Variants in VCL observed in about 807,000 individuals in gnomAD.
The protein encoded by VCL is vinculin.
Under a neutral mutation model 125.7 loss-of-function variants are expected in VCL, and 47 were observed. The ratio of observed to expected loss-of-function variants is 0.37; its 90% CI spans 0.30 to 0.48. The LOEUF (loss-of-function observed/expected upper bound fraction) is 0.48, where lower values mean the gene tolerates loss of function less well. VCL is among the 20% of genes least tolerant of loss of function. The pLI is 0.99. For missense variants in VCL, 1,069 were observed against 1,455.5 expected, an observed-to-expected ratio of 0.73 and a Z score of 4.32; for synonymous variants, 458 against 514.6, an observed-to-expected ratio of 0.89 and a Z score of 1.49.
chr10:74,090,598 A>T (rs1371457321), intron 10 of VCL, among the ~76,000 whole-genome samples: 1 of 152,128 alleles, frequency 6.6e-6, no homozygotes, highest in Admixed American at 6.5e-5. Context: ...GTGTATATGG[A>T]GGGGAAGAAG....
intron 13 of VCL, among the ~76,000 whole-genome samples, chr10:74,099,912 C>G (rs1270302107): frequency 6.6e-6 from 1 of 152,138 alleles, no homozygotes; most frequent in Non-Finnish European, 1.5e-5. Context: ...AAGATAGACA[C>G]AGAACACTGG....
chr10:74,058,123 C>T (rs1841419682), intron 2 of VCL, among the ~76,000 whole-genome samples: 1 of 152,006 alleles, frequency 6.6e-6, no homozygotes, highest in African/African-American at 2.4e-5. Context: ...GAAGAATAGC[C>T]CTGACAATTG....
At chr10:74,049,655 A>G (rs931405267) in intron 2 of VCL, among the ~76,000 whole-genome samples, 1 of 152,142 alleles carries the variant, frequency 6.6e-6, no homozygotes, top group African/African-American at 2.4e-5. Flanking sequence ...GGTGGTAGGA[A>G]CTAAGCTTAG....
At chr10:74,056,608 T>TGATACACGC (rs1276052821) in intron 2 of VCL, among the ~76,000 whole-genome samples, 11 of 152,258 alleles carry the variant, frequency 7.2e-5, no homozygotes, top group African/African-American at 2.6e-4. Context: ...TACACCCGTG[T>TGATACACGC]GAGTTGGTGC....
At chr10:74,038,945 C>T (rs537596082) in intron 1 of VCL, among the ~76,000 whole-genome samples, 37 of 151,372 alleles carry the variant, frequency 2.4e-4, no homozygotes, top group African/African-American at 8.7e-4. Context: ...GTGTTTTGCT[C>T]TTGTCACCCA....
At chr10:74,098,461 T>C (rs1262944628) in intron 13 of VCL, among the ~76,000 whole-genome samples, 2 of 152,248 alleles carry the variant, frequency 1.3e-5, no homozygotes, top group African/African-American at 4.8e-5. Context: ...TATTCTGTCA[T>C]TGCCTTATTC....
At chr10:74,061,907 C>CTTT (rs11439344) in intron 2 of VCL, among the ~76,000 whole-genome samples, 5,793 of 129,298 alleles carry the variant, frequency 0.045, 268 homozygotes, top group Non-Finnish European at 0.056. Context: ...AACCAATCTA[C>CTTT]TTTTTTTTTT....
At chr10:74,105,911 G>A (rs1477123624) in intron 16 of VCL, among the ~76,000 whole-genome samples, 3 of 125,678 alleles carry the variant, frequency 2.4e-5, no homozygotes, top group Admixed American at 1.8e-4. Context: ...CAACCTCTGC[G>A]CTTTTTTTTT....
chr10:74,104,293 G>A (rs761200302), intron 15 of VCL, among the ~76,000 whole-genome samples: 2 of 152,188 alleles, frequency 1.3e-5, no homozygotes, highest in Non-Finnish European at 2.9e-5. Context: ...GTCATTTTCA[G>A]TGGGTTCACA....
intron 14 of VCL, among the ~76,000 whole-genome samples, chr10:74,102,016 C>G (rs962834902): frequency 1.6e-4 from 22 of 133,554 alleles, no homozygotes; most frequent in African/African-American, 6.4e-4. Context: ...CAGGCACCCG[C>G]CACCATGCCC....
intron 10 of VCL, among the ~76,000 whole-genome samples, chr10:74,090,736 A>G (rs970221091): frequency 6.6e-6 from 1 of 152,058 alleles, no homozygotes; most frequent in Admixed American, 6.6e-5. Flanking sequence ...CTCCTCTCCT[A>G]AAGTCTCTCA....
chr10:74,021,492 A>G (rs946561379), intron 1 of VCL, among the ~76,000 whole-genome samples: 7 of 152,218 alleles, frequency 4.6e-5, no homozygotes, highest in Admixed American at 2.6e-4. Context: ...TGTAAGCCAT[A>G]TGAATACTCT....
intron 1 of VCL, among the ~76,000 whole-genome samples, chr10:74,001,362 G>C (rs1476509897): frequency 6.6e-6 from 1 of 152,106 alleles, no homozygotes; most frequent in African/African-American, 2.4e-5. Context: ...ACAGGGTCTT[G>C]TTATGTTGCC....
intron 1 of VCL, among the ~76,000 whole-genome samples, chr10:74,017,243 T>G (rs1840563109): frequency 6.6e-6 from 1 of 151,190 alleles, no homozygotes; most frequent in South Asian, 2.1e-4. Flanking sequence ...GAGACGGGGT[T>G]TCACCGTTTT....
At position 74,083,381 on chromosome 10, in the gene VCL, A is replaced by G. The variant is rs1458285999; in HGVS notation, c.890A>G (p.Gln297Arg). ...PSASPGDAGE[Q>R]AIRQILDEAG... ...TTTATTTTAGGGGATGCTGGTGAGC[A>G]GGCCATCAGACAGATCTTAGATGAA... is the stretch of plus-strand genomic sequence containing the variant. Residue 297 changes from glutamine (Q) to arginine (R), a missense_variant, in exon 8 of 22, where the codon CAG (glutamine) becomes CGG (arginine). Coordinates refer to ENST00000211998, the MANE Select transcript of VCL (RefSeq NM_014000.3). 6.2e-7 allele frequency: 1 copy of G among 1,614,144 alleles called. No individual in the cohort carries two copies. The highest frequency in any genetic ancestry group is 2.2e-5 in the East Asian group (1 of 44,884).
intron 1 of VCL, among the ~76,000 whole-genome samples, chr10:74,005,577 TCC>T (rs1840308103): frequency 6.6e-6 from 1 of 152,118 alleles, no homozygotes; most frequent in Non-Finnish European, 1.5e-5. Context: ...TATATTTTGT[TCC>T]AATCATTTTT....
chr10:74,112,046 G>A lies in VCL; in HGVS notation c.2883G>A (p.Pro961=), dbSNP rs747640704. 5.0e-6 allele frequency: 8 copies of A among 1,614,064 alleles called. No individual in the cohort carries two copies. Among genetic ancestry groups the A allele is most frequent in the Non-Finnish European group, 6.8e-6 (8 of 1,180,042 alleles). ...TGCTGTTAATGCCATCCAATCAGCC[G>A]GTCAACCAGCCCATTCTGGCCGCGG... is the stretch of plus-strand genomic sequence containing the variant. ...PELLLMPSNQ[P]VNQPILAAAQ... is the part of the protein sequence containing the mutation. Residue 961 remains proline (P), a synonymous_variant, in exon 19 of 22, where the codon CCG becomes CCA. Coordinates refer to ENST00000211998, the MANE Select transcript of VCL (RefSeq NM_014000.3).
At chr10:74,068,774 A>G (rs1057041254) in intron 2 of VCL, among the ~76,000 whole-genome samples, 3 of 152,202 alleles carry the variant, frequency 2.0e-5, no homozygotes, top group Non-Finnish European at 4.4e-5. Context: ...ACATTTACAT[A>G]CAGAGGAAAT....
chr10:74,044,835 T>C (rs997218527), intron 2 of VCL, among the ~76,000 whole-genome samples: 8 of 152,088 alleles, frequency 5.3e-5, no homozygotes, highest in Non-Finnish European at 2.9e-5. Context: ...GTGAGGAATT[T>C]TCACTTAAAA....
Sources: gnomAD v4.1 joint callset for allele counts (sites outside exome capture counted in the v4.1 genomes callset) on GRCh38, gnomAD v4.1.1 for gene constraint, MANE v1.5 for transcripts, NCBI Gene and HGNC (gene_info 2026-07-23, HGNC 2026-07-21) for gene names.